R3HDM2: variants seen among roughly 807,000 people sequenced by gnomAD.
The protein encoded by R3HDM2 is R3H domain containing 2, also known as R3H domain-containing protein 2.
R3HDM2 carries 38 observed loss-of-function variants against 124.5 expected under a neutral mutation model. That is an observed-to-expected ratio of 0.31 (90% CI 0.24 to 0.40). The LOEUF is 0.40. R3HDM2 is among the 10% of genes least tolerant of loss of function. The pLI is 1.00. For synonymous variants in R3HDM2, 391 were observed against 448.0 expected (o/e 0.87, Z 1.61); for missense variants, 869 against 1,236.9 (o/e 0.70, Z 4.46).
intron 2 of R3HDM2, among the ~76,000 whole-genome samples, chr12:57,370,846 T>G (rs1192957887): frequency 6.6e-6 from 1 of 151,952 alleles, no homozygotes; most frequent in Non-Finnish European, 1.5e-5. Flanking sequence ...AGGACAGCAG[T>G]CAGTGAGCAA....
intron 2 of R3HDM2, among the ~76,000 whole-genome samples, chr12:57,355,761 CTGATCCATAAGCAATGTTT>C (rs778105269): frequency 5.9e-5 from 9 of 152,146 alleles, no homozygotes; most frequent in Non-Finnish European, 1.2e-4. Flanking sequence ...ATCAAGTCTT[CTGATCCATAAGCAATGTTT>C]TGATCCATAA....
chr12:57,419,809 C>G (rs562925350), intron 1 of R3HDM2, among the ~76,000 whole-genome samples: 4 of 152,066 alleles, frequency 2.6e-5, no homozygotes, highest in East Asian at 1.9e-4. Flanking sequence ...AATGCTCCCC[C>G]ACCTTTACAC....
rs1187217162 is a variant in R3HDM2 at position 57,254,554 on chromosome 12, G to A, written c.*219C>T. On this transcript the variant is annotated 3_prime_UTR_variant, in exon 24 of 24. Coordinates refer to ENST00000402412, the MANE Select transcript of R3HDM2 (RefSeq NM_001394031.1). ...AGGATGGGAAGAAGAGTGATGCAAGGGGGGTCAACCAGGGAAAAAGAGAGG... is the reference window on the plus strand; with the variant it reads ...AGGATGGGAAGAAGAGTGATGCAAGAGGGGTCAACCAGGGAAAAAGAGAGG... The A allele has an allele frequency of 7.5e-6, 4 of 532,782 alleles. No homozygotes were observed. Among genetic ancestry groups the A allele is most frequent in the African/African-American group, 3.9e-5 (2 of 51,214 alleles). The allele number at this position is 532,782 out of a possible 1,614,324, so 33.0% of individuals were successfully genotyped here.
At chr12:57,353,673 C>T (rs965516599) in intron 2 of R3HDM2, among the ~76,000 whole-genome samples, 3 of 151,956 alleles carry the variant, frequency 2.0e-5, no homozygotes, top group Non-Finnish European at 4.4e-5. Flanking sequence ...CTCACCCTCC[C>T]GAATAGCTAG....
chr12:57,428,141 T>C (rs1011401992), intron 1 of R3HDM2, among the ~76,000 whole-genome samples: 2 of 149,852 alleles, frequency 1.3e-5, no homozygotes, highest in African/African-American at 4.9e-5. Context: ...AGAGTGAAAT[T>C]TGAGTAAAGA....
chr12:57,288,736 C>A, intron 12 of R3HDM2: 1 of 874,162 alleles, frequency 1.1e-6, no homozygotes, highest in South Asian at 1.7e-5. Context: ...TTGCAAAAAC[C>A]ACAAATTTAA....
intron 19 of R3HDM2, among the ~76,000 whole-genome samples, chr12:57,262,648 C>G (rs906385192): frequency 6.6e-6 from 1 of 152,214 alleles, no homozygotes; most frequent in Non-Finnish European, 1.5e-5. Flanking sequence ...GGGCAGGCAA[C>G]TGTCCTCTGA....
At chr12:57,416,809 C>T (rs537934055) in intron 1 of R3HDM2, among the ~76,000 whole-genome samples, 25 of 142,974 alleles carry the variant, frequency 1.7e-4, no homozygotes, top group Admixed American at 1.7e-3. Context: ...CTCTGTCCCC[C>T]CCGCCCCACA....
At chr12:57,386,420 C>CCG (rs1566443268) in intron 2 of R3HDM2, among the ~76,000 whole-genome samples, 4 of 152,258 alleles carry the variant, frequency 2.6e-5, no homozygotes, top group African/African-American at 7.2e-5. Context: ...CCAGCCGGCC[C>CCG]CGCCCACCAG....
At chr12:57,429,225 A>G (rs182975361) in intron 1 of R3HDM2, among the ~76,000 whole-genome samples, 3 of 149,322 alleles carry the variant, frequency 2.0e-5, no homozygotes, top group Non-Finnish European at 3.0e-5. Flanking sequence ...CATCCCTACG[A>G]AAAAAAAATT....
At chr12:57,382,028 C>T (rs1432064480) in intron 2 of R3HDM2, among the ~76,000 whole-genome samples, 4 of 151,766 alleles carry the variant, frequency 2.6e-5, no homozygotes, top group African/African-American at 7.3e-5. Context: ...CCTATGTTGC[C>T]CAGGCTGGTC....
intron 3 of R3HDM2, among the ~76,000 whole-genome samples, chr12:57,308,341 C>A (rs1213401064): frequency 6.6e-6 from 1 of 151,664 alleles, no homozygotes; most frequent in Non-Finnish European, 1.5e-5. Context: ...TAGGCATGAG[C>A]CACTGCGCCC....
chr12:57,271,993 C>T (rs927807165), intron 14 of R3HDM2, among the ~76,000 whole-genome samples: 7 of 151,706 alleles, frequency 4.6e-5, no homozygotes, highest in Admixed American at 6.6e-5. Context: ...CTCTCAGGTT[C>T]AAGCGATTCT....
chr12:57,274,024 A>G (rs1182099843), intron 14 of R3HDM2, among the ~76,000 whole-genome samples: 2 of 152,210 alleles, frequency 1.3e-5, no homozygotes, highest in African/African-American at 2.4e-5. Flanking sequence ...CTGTCAGACA[A>G]TGGCATTCCA....
intron 12 of R3HDM2, among the ~76,000 whole-genome samples, chr12:57,285,717 C>T (rs2047190687): frequency 6.6e-6 from 1 of 152,120 alleles, no homozygotes; most frequent in Non-Finnish European, 1.5e-5. Context: ...TAAGGGGATA[C>T]AGCAGTGGCA....
At chr12:57,334,283 A>C (rs1193670319) in intron 2 of R3HDM2, among the ~76,000 whole-genome samples, 1 of 152,232 alleles carries the variant, frequency 6.6e-6, no homozygotes, top group African/African-American at 2.4e-5. Flanking sequence ...CCATTTTTGA[A>C]ACATTTTATT....
chr12:57,291,424 C>T (rs971267837), intron 11 of R3HDM2, among the ~76,000 whole-genome samples: 2 of 151,694 alleles, frequency 1.3e-5, no homozygotes, highest in Non-Finnish European at 2.9e-5. Flanking sequence ...GAGGCTGTGG[C>T]GGAAGGATCA....
intron 11 of R3HDM2, among the ~76,000 whole-genome samples, chr12:57,289,498 G>C (rs754768608): frequency 3.0e-4 from 45 of 152,270 alleles, no homozygotes; most frequent in Non-Finnish European, 5.6e-4. Flanking sequence ...TCCTACATTG[G>C]CCAAAATGAA....
At chr12:57,265,400 C>T (rs1054491001) in intron 19 of R3HDM2, among the ~76,000 whole-genome samples, 4 of 151,918 alleles carry the variant, frequency 2.6e-5, no homozygotes, top group African/African-American at 9.7e-5. Flanking sequence ...CTTCCCTCAC[C>T]CTCCCAAGAG....
Sources: allele counts gnomAD v4.1 joint callset (sites outside exome capture counted in the v4.1 genomes callset), GRCh38; gene constraint gnomAD v4.1.1; transcripts MANE v1.5; gene names NCBI Gene and HGNC (gene_info 2026-07-23, HGNC 2026-07-21).